CFAP96: variants seen among roughly 807,000 people sequenced by gnomAD.
CFAP96 encodes cilia and flagella associated protein 96, also known as cilia-and flagella-associated protein 96.
the CFAP96 span, among the ~76,000 whole-genome samples, chr4:185,432,991 A>G: frequency 1.3e-5 from 2 of 152,016 alleles, no homozygotes; most frequent in African/African-American, 4.8e-5. Context: ...CCTGGGTTCA[A>G]GTGGAGGAGG....
At chr4:185,412,974 T>C in the CFAP96 span, among the ~76,000 whole-genome samples, 1 of 152,156 alleles carries the variant, frequency 6.6e-6, no homozygotes, top group Non-Finnish European at 1.5e-5. Context: ...CAACCGGGTA[T>C]ATGTTACATG....
chr4:185,425,238 G>A, the CFAP96 span, among the ~76,000 whole-genome samples: 2 of 152,152 alleles, frequency 1.3e-5, no homozygotes, highest in Non-Finnish European at 2.9e-5. Flanking sequence ...CTACAGAGTT[G>A]GGGGTTCCTG....
At chr4:185,411,906 A>G in the CFAP96 span, among the ~76,000 whole-genome samples, 1 of 152,240 alleles carries the variant, frequency 6.6e-6, no homozygotes, top group African/African-American at 2.4e-5. Flanking sequence ...ACTCAGAACT[A>G]TGCAATACTA....
the CFAP96 span, among the ~76,000 whole-genome samples, chr4:185,410,354 A>C: frequency 6.6e-6 from 1 of 152,334 alleles, no homozygotes; most frequent in South Asian, 2.1e-4. Context: ...CTTACATTAG[A>C]AAATAAGAAA....
the CFAP96 span, chr4:185,418,862 C>T: frequency 9.3e-5 from 88 of 944,466 alleles, no homozygotes; most frequent in East Asian, 2.1e-3. Context: ...CATAGTAAAA[C>T]TCTCAATACC....
chr4:185,415,942 T>C, the CFAP96 span: 1 of 1,266,692 alleles, frequency 7.9e-7, no homozygotes, highest in South Asian at 1.8e-5. Context: ...AAAAGACTTT[T>C]CAAAAATGTA....
chr4:185,427,019 G>A, the CFAP96 span, among the ~76,000 whole-genome samples: 1 of 150,756 alleles, frequency 6.6e-6, no homozygotes, highest in Admixed American at 6.6e-5. Flanking sequence ...AGCCAAGACA[G>A]CTCCACTGCA....
chr4:185,423,139 G>A, the CFAP96 span, among the ~76,000 whole-genome samples: 14,149 of 152,238 alleles, frequency 0.093, 1,103 homozygotes, highest in African/African-American at 0.2. Flanking sequence ...GATTGCAGGC[G>A]TGAGCCACCG....
At chr4:185,425,728 G>T in the CFAP96 span, 1 of 1,329,888 alleles carries the variant, frequency 7.5e-7, no homozygotes, top group Non-Finnish European at 1.0e-6. Flanking sequence ...CTGGAGAGCC[G>T]CCCTGCCCAC....
At chr4:185,414,065 A>G in the CFAP96 span, among the ~76,000 whole-genome samples, 2 of 152,198 alleles carry the variant, frequency 1.3e-5, no homozygotes, top group African/African-American at 4.8e-5. Context: ...ATTTTCGTTT[A>G]CGTCTGTATC....
chr4:185,433,414 GAAAAGAAA>G, the CFAP96 span, among the ~76,000 whole-genome samples: 1 of 11,514 alleles, frequency 8.7e-5, no homozygotes, highest in South Asian at 0.01. Flanking sequence ...AAAAAAAAAA[GAAAAGAAA>G]AGTAATGTTC....
chr4:185,436,204 T>C, the CFAP96 span: 6 of 1,545,020 alleles, frequency 3.9e-6, no homozygotes, highest in Non-Finnish European at 5.2e-6. Context: ...TTTAATACTT[T>C]GTCATATCGT....
chr4:185,424,291 G>A, the CFAP96 span, among the ~76,000 whole-genome samples: 2 of 152,202 alleles, frequency 1.3e-5, no homozygotes, highest in East Asian at 3.9e-4. Context: ...AAGCAACAGA[G>A]CAAGATCTTG....
the CFAP96 span, chr4:185,426,202 C>A: frequency 2.6e-6 from 1 of 384,290 alleles, no homozygotes. Context: ...TGGATTCTCC[C>A]GTACCCGGGG....
At chr4:185,413,575 A>G in the CFAP96 span, 2 of 699,572 alleles carry the variant, frequency 2.9e-6, no homozygotes, top group Non-Finnish European at 2.2e-6. Flanking sequence ...AATTACTGCT[A>G]TCTTAAGCAA....
chr4:185,436,208 A>G, the CFAP96 span: 4 of 1,545,402 alleles, frequency 2.6e-6, no homozygotes, highest in Admixed American at 2.0e-5. Context: ...ATACTTTGTC[A>G]TATCGTTTGT....
the CFAP96 span, among the ~76,000 whole-genome samples, chr4:185,443,342 A>ATATATATATATATATATATT: frequency 2.6e-4 from 7 of 26,730 alleles, no homozygotes; most frequent in African/African-American, 8.1e-4. Flanking sequence ...ATATATATAT[A>ATATATATATATATATATATT]TTTTTTTTTT....
At chr4:185,429,375 G>A in the CFAP96 span, 1 of 1,287,678 alleles carries the variant, frequency 7.8e-7, no homozygotes, top group Non-Finnish European at 1.0e-6. Context: ...AACTTTTGAA[G>A]TTAGCGGTAT....
At chr4:185,425,891 G>A in the CFAP96 span, 8 of 1,596,302 alleles carry the variant, frequency 5.0e-6, no homozygotes, top group Non-Finnish European at 6.8e-6. Context: ...GCGGTGACAC[G>A]GGCGCTGACG....
Sources: allele counts gnomAD v4.1 joint callset (sites outside exome capture counted in the v4.1 genomes callset), GRCh38; gene constraint gnomAD v4.1.1; transcripts MANE v1.5; gene names NCBI Gene and HGNC (gene_info 2026-07-23, HGNC 2026-07-21).